PALM: variants seen among roughly 807,000 people sequenced by gnomAD.
PALM encodes the protein paralemmin-1.
A neutral mutation model predicts 30.7 loss-of-function variants in PALM; 18 were observed. The observed-to-expected ratio is 0.59, with a 90% CI of 0.41 to 0.87. PALM has a LOEUF of 0.87. Ranked by LOEUF, PALM falls within the 40% of genes least tolerant of loss-of-function variation. PALM has a pLI of 0.00. For synonymous variants in PALM, 286 were observed against 242.8 expected, an observed-to-expected ratio of 1.18 and a Z score of -1.66; for missense variants, 529 against 555.4, an observed-to-expected ratio of 0.95 and a Z score of 0.48.
chr19:738,274 C>T (rs2033081350), intron 7 of PALM, among the ~76,000 whole-genome samples: 1 of 152,132 alleles, frequency 6.6e-6, no homozygotes, highest in South Asian at 2.1e-4. Flanking sequence ...CCCCTGTAAT[C>T]CCAGCACTTT....
intron 1 of PALM, among the ~76,000 whole-genome samples, chr19:719,827 C>T (rs550016342): frequency 6.6e-6 from 1 of 152,112 alleles, no homozygotes; most frequent in African/African-American, 2.4e-5. Context: ...TCAGTTTCCC[C>T]GTCGGTGAAA....
At chr19:718,519 T>G (rs1229748459) in intron 1 of PALM, among the ~76,000 whole-genome samples, 1 of 152,086 alleles carries the variant, frequency 6.6e-6, no homozygotes, top group African/African-American at 2.4e-5. Flanking sequence ...TGCCCCGTCT[T>G]CCCCTGAGGG....
intron 4 of PALM, among the ~76,000 whole-genome samples, chr19:729,010 T>A (rs1427312469): frequency 5.4e-5 from 8 of 149,428 alleles, no homozygotes; most frequent in Non-Finnish European, 7.4e-5. Flanking sequence ...TCTCAAAAAA[T>A]AAATAAATAA....
intron 1 of PALM, among the ~76,000 whole-genome samples, chr19:716,061 G>C (rs1050375515): frequency 6.6e-6 from 1 of 152,152 alleles, no homozygotes; most frequent in Non-Finnish European, 1.5e-5. Flanking sequence ...CAGTCACCAG[G>C]ACAGAGCCTG....
chr19:733,848 C>A (rs141220961), intron 5 of PALM, among the ~76,000 whole-genome samples: 1 of 152,026 alleles, frequency 6.6e-6, no homozygotes, highest in Admixed American at 6.6e-5. Context: ...TAGCCAGGTG[C>A]GATGACGCAG....
intron 5 of PALM, among the ~76,000 whole-genome samples, chr19:731,816 T>C (rs533810047): frequency 2.4e-4 from 36 of 147,350 alleles, no homozygotes; most frequent in Non-Finnish European, 4.2e-4. Context: ...CCTGCCACCA[T>C]ACCCGGCTAA....
chr19:736,964 A>G (rs886951782), intron 7 of PALM, among the ~76,000 whole-genome samples: 1 of 152,216 alleles, frequency 6.6e-6, no homozygotes, highest in African/African-American at 2.4e-5. Flanking sequence ...GAGGCAGGAG[A>G]ATCGCTTGAA....
rs922915344 is a variant in PALM, at chr19:722,139, C to A, written c.6-3999C>A. Among the ~76,000 whole-genome samples, 3 of 150,848 alleles carry A rather than the reference C, an allele frequency of 2.0e-5. No individual in the cohort carries two copies. In the East Asian group the frequency reaches 5.9e-4, roughly 30 times the overall value. On this transcript the variant is annotated intron_variant, in intron 1 of 8. Transcript: ENST00000338448. ...TTCACCGTGTTAGCCAGGATGGTCT[C>A]GATCTCCTGACCTCGTGATCCGCCC...
chr19:712,219 C>A (rs1352126760), intron 1 of PALM, among the ~76,000 whole-genome samples: 1 of 150,522 alleles, frequency 6.6e-6, no homozygotes, highest in African/African-American at 2.4e-5. Context: ...GACAGGGTTT[C>A]ACCAGGTTGC....
At chr19:720,198 G>A (rs2032415816) in intron 1 of PALM, among the ~76,000 whole-genome samples, 1 of 151,874 alleles carries the variant, frequency 6.6e-6, no homozygotes, top group Non-Finnish European at 1.5e-5. Flanking sequence ...GAGATGCTGC[G>A]CCGGCCCCAC....
Position 722,107 on chromosome 19 carries a change from A to G in PALM, c.6-4031A>G, listed in dbSNP as rs1420545590. ...CTAATTTTTTGTGTTTTTAGTAGAGACGGGGTTTCACCGTGTTAGCCAGGA... is the reference window on the plus strand; with the variant it reads ...CTAATTTTTTGTGTTTTTAGTAGAGGCGGGGTTTCACCGTGTTAGCCAGGA... On this transcript the variant is annotated intron_variant, in intron 1 of 8. Coordinates refer to ENST00000338448, the MANE Select transcript of PALM (RefSeq NM_002579.3). Among the ~76,000 whole-genome samples the G allele has an allele frequency of 1.3e-5, 2 of 149,296 alleles. 1 individual carries two copies. Among genetic ancestry groups the G allele is most frequent in the African/African-American group, 5.0e-5 (2 of 40,216 alleles).
At chr19:734,285 C>T (rs745887846) in intron 6 of PALM, 91 bp downstream of exon 6, 2 of 1,262,898 alleles carry the variant, frequency 1.6e-6, no homozygotes, top group East Asian at 2.3e-5. Context: ...TACAAAGTTG[C>T]TCGGTGCCTC....
At chr19:717,483 C>T (rs1400025255) in intron 1 of PALM, among the ~76,000 whole-genome samples, 1 of 152,118 alleles carries the variant, frequency 6.6e-6, no homozygotes, top group Non-Finnish European at 1.5e-5. Context: ...GTCAGAGCCT[C>T]GCTCCTGTTC....
At chr19:732,699 A>G (rs1201599727) in intron 5 of PALM, among the ~76,000 whole-genome samples, 5 of 151,992 alleles carry the variant, frequency 3.3e-5, no homozygotes, top group African/African-American at 9.7e-5. Flanking sequence ...TTCTAAAAAA[A>G]AAAACCTGGT....
At chr19:730,433 C>T (rs745787235) in intron 4 of PALM, among the ~76,000 whole-genome samples, 1 of 152,190 alleles carries the variant, frequency 6.6e-6, no homozygotes, top group African/African-American at 2.4e-5. Flanking sequence ...GTTATCTCTT[C>T]TAATACTTGG....
intron 7 of PALM, among the ~76,000 whole-genome samples, chr19:738,536 AAG>A (rs564718178): frequency 3.2e-4 from 49 of 151,794 alleles, no homozygotes; most frequent in Middle Eastern, 3.4e-3. Context: ...CAAAAAAAAA[AAG>A]AGGGAGGACT....
intron 1 of PALM, among the ~76,000 whole-genome samples, chr19:712,166 G>C (rs1472688832): frequency 6.6e-6 from 1 of 151,942 alleles, no homozygotes; most frequent in Non-Finnish European, 1.5e-5. Flanking sequence ...ATGACTACAG[G>C]TGCCCGCCAC....
At chr19:740,794 G>A (rs537944694) in intron 8 of PALM, among the ~76,000 whole-genome samples, 48 of 152,306 alleles carry the variant, frequency 3.2e-4, no homozygotes, top group African/African-American at 1.1e-3. Flanking sequence ...TCCTTGCCGG[G>A]TGGCAAACCG....
intron 3 of PALM, 59 bp downstream of exon 3, chr19:727,147 C>T (rs1272560640): frequency 7.0e-5 from 82 of 1,165,736 alleles, no homozygotes; most frequent in Non-Finnish European, 1.0e-4. Flanking sequence ...GGCGGAGGCC[C>T]CGGACTCCTG....
Sources: allele counts gnomAD v4.1 joint callset (sites outside exome capture counted in the v4.1 genomes callset), GRCh38; gene constraint gnomAD v4.1.1; transcripts MANE v1.5; gene names NCBI Gene and HGNC (gene_info 2026-07-23, HGNC 2026-07-21).